The following IRAG1 variants were observed in gnomAD, a reference collection of about 807,000 sequenced individuals.
IRAG1 encodes the protein IP3R-associated cGMP kinase substrate.
IRAG1 carries 62 observed loss-of-function variants against 106.2 expected under a neutral mutation model. That is an observed-to-expected ratio of 0.58 (90% confidence interval 0.48 to 0.72). The LOEUF (loss-of-function observed/expected upper bound fraction) is 0.72. Ranked by LOEUF, IRAG1 falls within the 30% of genes least tolerant of loss-of-function variation. The probability of loss-of-function intolerance (pLI) is 0.00; values close to 1 mark genes in which losing one functional copy is unlikely to be tolerated. For synonymous variants in IRAG1, 462 were observed against 443.9 expected (o/e 1.04, Z -0.51); for missense variants, 1,064 against 1,140.7 (o/e 0.93, Z 0.97).
At chr11:10,613,999 AC>A (rs1855186913) in intron 10 of IRAG1, among the ~76,000 whole-genome samples, 1 of 151,496 alleles carries the variant, frequency 6.6e-6, no homozygotes, top group African/African-American at 2.4e-5. Context: ...CCCCTAAATC[AC>A]CCCAGGGCCA....
rs114710952 is a variant in IRAG1, at chr11:10,657,425, G to A, written c.68-5243C>T. 9.3e-3 allele frequency among the ~76,000 whole-genome samples: 1,411 copies of A among 152,178 alleles called. 23 individuals are homozygous for A. The highest frequency in any genetic ancestry group is 0.033 in the African/African-American group (1,357 of 41,502). The stretch of plus-strand genomic sequence containing the variant: ...TGCCTCTCCCAGAGCCTTGCAACCT[G>A]CCTAGGAGAGACCAAACTCCTCTCT... On this transcript the variant is annotated intron_variant, in intron 1 of 20. Transcript: ENST00000423302. This position sits in a 1 kb window ranked among gnomAD's most constrained non-coding sequence, Gnocchi z 4.1.
chr11:10,600,833 C>G lies in IRAG1; in HGVS notation c.2017+85G>C, dbSNP rs971685786. On this transcript the variant is annotated intron_variant, in intron 15 of 20. Transcript: ENST00000423302. ...GCTCAACTGGAAATAAGTCCTGGGG[C>G]TGTTCTGACAGCTCTAATCCTAGCC... The G allele has an allele frequency of 3.5e-5, 54 of 1,545,876 alleles. No individual in the cohort carries two copies. The Admixed American group carries it at 1.0e-3, about 30-fold the overall frequency.
At chr11:10,662,214 C>G (rs954922589) in intron 1 of IRAG1, among the ~76,000 whole-genome samples, 6 of 152,156 alleles carry the variant, frequency 3.9e-5, no homozygotes, top group South Asian at 2.1e-4. Context: ...CAAGACCAGC[C>G]TGGCCAACAT....
At chr11:10,684,715 G>A (rs1429101255) in intron 1 of IRAG1, among the ~76,000 whole-genome samples, 1 of 151,632 alleles carries the variant, frequency 6.6e-6, no homozygotes. Flanking sequence ...CCTTCCTGAG[G>A]CATTGCTGGC....
chr11:10,676,462 A>G lies in IRAG1; in HGVS notation c.67+17074T>C, dbSNP rs1860682305. Reference sequence around the variant, plus strand: ...CCCACTGTGGGATTGGAGCTATGACACTGGACTGGCCCCACAGAATATCCC... The same window carrying G: ...CCCACTGTGGGATTGGAGCTATGACGCTGGACTGGCCCCACAGAATATCCC... On this transcript the variant is annotated intron_variant, in intron 1 of 20. Coordinates refer to ENST00000423302, the MANE Select transcript of IRAG1 (RefSeq NM_130385.4). Among the ~76,000 whole-genome samples the G allele has an allele frequency of 2.6e-5, 4 of 152,206 alleles. No individual in the cohort carries two copies. The South Asian group carries it at 8.3e-4, about 31-fold the overall frequency.
chr11:10,684,795 A>G (rs1861544724), intron 1 of IRAG1, among the ~76,000 whole-genome samples: 1 of 152,154 alleles, frequency 6.6e-6, no homozygotes, highest in Non-Finnish European at 1.5e-5. Flanking sequence ...GTTAGCCAAC[A>G]TAGCCTTCTG....
At chr11:10,661,348 T>A (rs1455111724) in intron 1 of IRAG1, among the ~76,000 whole-genome samples, 1 of 152,208 alleles carries the variant, frequency 6.6e-6, no homozygotes, top group East Asian at 1.9e-4. Flanking sequence ...CCATTCCTCC[T>A]CTTCACCTCA....
intron 2 of IRAG1, among the ~76,000 whole-genome samples, chr11:10,651,405 A>G (rs1427729458): frequency 1.3e-5 from 2 of 152,230 alleles, no homozygotes; most frequent in East Asian, 3.8e-4. Flanking sequence ...TGCTGGTATA[A>G]TAAATAAATA....
intron 20 of IRAG1, among the ~76,000 whole-genome samples, chr11:10,579,437 G>A (rs1851167542): frequency 6.6e-6 from 1 of 152,070 alleles, no homozygotes; most frequent in South Asian, 2.1e-4. Flanking sequence ...AGATATCCCA[G>A]GGGTCTAAAA....
chr11:10,637,084 A>T (rs918140082), intron 2 of IRAG1, among the ~76,000 whole-genome samples: 5 of 152,240 alleles, frequency 3.3e-5, no homozygotes, highest in African/African-American at 1.2e-4. Context: ...AGAATAACTT[A>T]ACTACCCAAA....
At chr11:10,621,929 G>T (rs1415009454) in intron 10 of IRAG1, among the ~76,000 whole-genome samples, 1 of 152,126 alleles carries the variant, frequency 6.6e-6, no homozygotes, top group Non-Finnish European at 1.5e-5. Context: ...AAAGTAGAAG[G>T]TGATCACCAG....
In IRAG1 at chr11:10,591,921, C is replaced by T. The variant is rs61892972; in HGVS notation, c.2176-309G>A. Among the ~76,000 whole-genome samples, 1,278 of 152,274 alleles carry T rather than the reference C, an allele frequency of 8.4e-3. 9 individuals are homozygous for T. Among genetic ancestry groups the T allele is most frequent in the Non-Finnish European group, 0.012 (845 of 68,024 alleles). On this transcript the variant is annotated intron_variant, in intron 17 of 20. Coordinates refer to ENST00000423302, the MANE Select transcript of IRAG1 (RefSeq NM_130385.4). ...AGGAGCCATCAGTTTTTCTCTGTCC[C>T]GTTTAGCAACTGTGACTGAACACCA...
At chr11:10,593,442 A>T (rs56399907) in intron 17 of IRAG1, 50 bp downstream of exon 17, 19,339 of 1,529,610 alleles carry the variant, frequency 0.013, 175 homozygotes, top group Non-Finnish European at 0.014. Context: ...AGTACGAAGG[A>T]AAGGTTATTC....
chr11:10,691,964 T>C (rs1862091442), intron 1 of IRAG1, among the ~76,000 whole-genome samples: 1 of 152,176 alleles, frequency 6.6e-6, no homozygotes, highest in Non-Finnish European at 1.5e-5. Flanking sequence ...GTGGGAGTCA[T>C]GAGTTACTGT....
Position 10,574,966 on chromosome 11 carries a change from G to A in IRAG1, c.*1366C>T, listed in dbSNP as rs1025025303. 4 of 151,874 alleles carry A rather than the reference G, an allele frequency of 2.6e-5. No homozygotes were observed. The highest frequency in any genetic ancestry group is 4.8e-5 in the African/African-American group (2 of 41,328). The allele number at this position is 151,874 out of a possible 1,614,324, so 9.4% of individuals were successfully genotyped here. On this transcript the variant is annotated 3_prime_UTR_variant, in exon 21 of 21. Coordinates refer to ENST00000423302, the MANE Select transcript of IRAG1 (RefSeq NM_130385.4). ...TCGTATTTTTTTTTCTTTTTCTTCA[G>A]GACTTAAATGAATTCATACCTATGT...
At chr11:10,615,992 T>C (rs1189731296) in intron 10 of IRAG1, among the ~76,000 whole-genome samples, 2 of 105,166 alleles carry the variant, frequency 1.9e-5, no homozygotes, top group African/African-American at 5.5e-5. Context: ...TTGTATAATA[T>C]ACTACGATTT....
intron 2 of IRAG1, among the ~76,000 whole-genome samples, chr11:10,651,409 A>C (rs1417079508): frequency 6.6e-6 from 1 of 152,226 alleles, no homozygotes; most frequent in African/African-American, 2.4e-5. Context: ...GGTATAATAA[A>C]TAAATATACC....
intron 1 of IRAG1, among the ~76,000 whole-genome samples, chr11:10,672,560 A>C (rs1860323254): frequency 6.6e-6 from 1 of 152,252 alleles, no homozygotes; most frequent in Non-Finnish European, 1.5e-5. Flanking sequence ...ATGACCAATA[A>C]GCACATGAAC....
intron 2 of IRAG1, 51 bp from the exon 3 acceptor site, chr11:10,634,122 C>T: frequency 1.7e-6 from 2 of 1,144,394 alleles, no homozygotes; most frequent in Non-Finnish European, 2.6e-6. Flanking sequence ...GGTGGGACTT[C>T]CAGGGACAGG....
Sources: allele counts gnomAD v4.1 joint callset (sites outside exome capture counted in the v4.1 genomes callset), GRCh38; gene constraint gnomAD v4.1.1; non-coding constraint Gnocchi (gnomAD v3.1); transcripts MANE v1.5; gene names NCBI Gene and HGNC (gene_info 2026-07-23, HGNC 2026-07-21).